CBX5: variants seen among roughly 807,000 people sequenced by gnomAD.
CBX5 encodes the protein chromobox 5.
CBX5 carries 7 observed loss-of-function variants against 20.7 expected under a neutral mutation model. That is an observed-to-expected ratio of 0.34 (90% CI 0.19 to 0.63). CBX5 has a LOEUF of 0.63. Ranked by LOEUF, CBX5 falls within the 30% of genes least tolerant of loss-of-function variation. The pLI is 0.75. For missense variants in CBX5, 110 were observed against 224.1 expected (o/e 0.49, Z 3.25); for synonymous variants, 78 against 77.0 (o/e 1.01, Z -0.07).
rs1322290729 is a variant in CBX5, at chr12:54,235,689, G to C, written c.*6066C>G. The C allele has an allele frequency of 6.6e-6, 1 of 152,216 alleles. No homozygotes were observed. The highest frequency in any genetic ancestry group is 2.4e-5 in the African/African-American group (1 of 41,454). 9.4% of individuals were successfully genotyped at this position (152,216 alleles called of 1,614,324 possible). On this transcript the variant is annotated 3_prime_UTR_variant, in exon 5 of 5. Coordinates refer to ENST00000209875, the MANE Select transcript of CBX5 (RefSeq NM_012117.3). ...CAGAGTAGATGCTCAGGTATTAACA[G>C]ATGTGCTCCAAGACTTCTCTTTAGA...
intron 1 of CBX5, among the ~76,000 whole-genome samples, chr12:54,275,830 A>G (rs1418725576): frequency 6.6e-6 from 1 of 151,486 alleles, no homozygotes; most frequent in Non-Finnish European, 1.5e-5. Context: ...ACATGGAGAA[A>G]CCCCGTCTCT....
intron 1 of CBX5, among the ~76,000 whole-genome samples, chr12:54,270,790 G>A (rs1040073028): frequency 6.6e-6 from 1 of 152,144 alleles, no homozygotes; most frequent in Non-Finnish European, 1.5e-5. Flanking sequence ...AGTGGCTCAT[G>A]CCTGTAATCC....
intron 1 of CBX5, among the ~76,000 whole-genome samples, chr12:54,276,027 A>G (rs1455741933): frequency 6.6e-6 from 1 of 151,252 alleles, no homozygotes; most frequent in Admixed American, 6.6e-5. Flanking sequence ...ACATTGGGAG[A>G]CATTTTGCAA....
intron 1 of CBX5, chr12:54,262,890 G>A (rs1020444941): frequency 6.6e-6 from 1 of 152,198 alleles, no homozygotes; most frequent in Non-Finnish European, 1.5e-5. Context: ...AAAAGAAGAT[G>A]AGCCTCTGAA....
In CBX5 at chr12:54,257,549, T is replaced by C; in HGVS notation, c.102A>G (p.Gln34=). ...KVLDRRVVKG[Q]VEYLLKWKGF... ...CTTTCCACTTCAGTAGATATTCCAC[T>C]TGTCCCTTAACCACGCGCCTGTCTA... is the stretch of plus-strand genomic sequence containing the variant. Residue 34 remains glutamine, a synonymous_variant, in exon 2 of 5, where the codon CAA becomes CAG. Transcript: ENST00000209875. 6.2e-7 allele frequency: 1 copy of C among 1,614,224 alleles called. No individual in the cohort carries two copies.
In CBX5 at chr12:54,277,732, A is replaced by G. The variant is rs74240635; in HGVS notation, c.-43+2276T>C. Among the ~76,000 whole-genome samples, 136 of 152,356 alleles carry G rather than the reference A, an allele frequency of 8.9e-4. 1 individual carries two copies. The East Asian group carries it at 0.025, about 28-fold the overall frequency. On this transcript the variant is annotated intron_variant, in intron 1 of 4. Coordinates refer to ENST00000209875, the MANE Select transcript of CBX5 (RefSeq NM_012117.3). Reference sequence around the variant, plus strand: ...AGATAACATCAGGATTTAGTGATCCATTTACCAAAGGCCACTCCCTAAACA... The same window carrying G: ...AGATAACATCAGGATTTAGTGATCCGTTTACCAAAGGCCACTCCCTAAACA...
At chr12:54,270,045 T>C (rs1266212702) in intron 1 of CBX5, among the ~76,000 whole-genome samples, 4 of 152,246 alleles carry the variant, frequency 2.6e-5, no homozygotes, top group Non-Finnish European at 4.4e-5. Context: ...AGTATCTTTT[T>C]TCCTGATTTA....
chr12:54,270,632 T>C (rs1944000165), intron 1 of CBX5, among the ~76,000 whole-genome samples: 1 of 152,368 alleles, frequency 6.6e-6, no homozygotes, highest in Admixed American at 6.5e-5. Flanking sequence ...AGTATTAGTT[T>C]TCTTTGTAAT....
chr12:54,236,633 A>AT lies in CBX5; in HGVS notation c.*5121dup, dbSNP rs753963387. The stretch of plus-strand genomic sequence containing the variant: ...ACAAAAGTACGGATCTCAACACTAT[A>AT]TTTTTTATTCTAAAATCTCAACCAA... On this transcript the variant is annotated 3_prime_UTR_variant, in exon 5 of 5. Coordinates refer to ENST00000209875, the MANE Select transcript of CBX5 (RefSeq NM_012117.3). 5.3e-5 allele frequency: 8 copies of AT among 152,146 alleles called. No homozygotes were observed. The highest frequency in any genetic ancestry group is 1.0e-4 in the Non-Finnish European group (7 of 68,020). 9.4% of individuals were successfully genotyped at this position (152,146 alleles called of 1,614,324 possible). A position where few individuals can be genotyped will look rare whatever the true frequency, so the allele number is the denominator to read the frequency against.
At position 54,240,302 on chromosome 12, in the gene CBX5, G is replaced by A. The variant is rs759395615; in HGVS notation, c.*1453C>T. ...AGAAGAAACCAAAACGAAGTATTTT[G>A]CTGAGTAAGAAGAAAAGGGTGTGTC... On this transcript the variant is annotated 3_prime_UTR_variant, in exon 5 of 5. Coordinates refer to ENST00000209875, the MANE Select transcript of CBX5 (RefSeq NM_012117.3). 3.3e-5 allele frequency: 5 copies of A among 152,190 alleles called. No homozygotes were observed. Among genetic ancestry groups the A allele is most frequent in the Admixed American group, 6.5e-5 (1 of 15,272 alleles). 9.4% of individuals were successfully genotyped at this position (152,190 alleles called of 1,614,324 possible).
rs1943627320 is a variant in CBX5 at position 54,236,762 on chromosome 12, T to C, written c.*4993A>G. 6.6e-6 allele frequency: 1 copy of C among 152,180 alleles called. No homozygotes were observed. Among genetic ancestry groups the C allele is most frequent in the South Asian group, 2.1e-4 (1 of 4,826 alleles). The allele number at this position is 152,180 out of a possible 1,614,324, so 9.4% of individuals were successfully genotyped here. On this transcript the variant is annotated 3_prime_UTR_variant, in exon 5 of 5. Transcript: ENST00000209875. ...GTTCTCATGACATTGCAAAGTAGTA[T>C]TTTATGCCCTCAAAACTGAACCTTA...
intron 3 of CBX5, among the ~76,000 whole-genome samples, chr12:54,250,662 G>A (rs1346439215): frequency 1.3e-4 from 19 of 148,634 alleles, no homozygotes; most frequent in East Asian, 2.0e-4. Context: ...AAAATTAGCC[G>A]GGCGCGGTGG....
At chr12:54,266,399 A>C (rs1051442944) in intron 1 of CBX5, among the ~76,000 whole-genome samples, 1 of 152,028 alleles carries the variant, frequency 6.6e-6, no homozygotes, top group South Asian at 2.1e-4. Context: ...CTTCATCTCA[A>C]AAAAAATAAA....
chr12:54,261,185 G>A (rs1436847320), intron 1 of CBX5, among the ~76,000 whole-genome samples: 8 of 131,090 alleles, frequency 6.1e-5, no homozygotes, highest in African/African-American at 2.3e-4. Context: ...GAGCGAAACC[G>A]TCTCAAAAAA....
chr12:54,246,091 A>C, intron 4 of CBX5, 24 bp downstream of exon 4: 1 of 1,521,156 alleles, frequency 6.6e-7, no homozygotes, highest in Non-Finnish European at 9.1e-7. Flanking sequence ...ACACAATTGT[A>C]AAGCGAAGCC....
Position 54,269,761 on chromosome 12 carries a change from G to A in CBX5, c.-43+10247C>T, listed in dbSNP as rs572397238. 4.6e-4 allele frequency among the ~76,000 whole-genome samples: 70 copies of A among 152,238 alleles called. 1 individual carries two copies. The highest frequency in any genetic ancestry group is 1.6e-3 in the African/African-American group (68 of 41,540). ...TCCTTAATAGAGATAGGGCTAGTAAGGTTCTGACGTTTTCTTCTTTTTGCC... is the reference window on the plus strand; with the variant it reads ...TCCTTAATAGAGATAGGGCTAGTAAAGTTCTGACGTTTTCTTCTTTTTGCC... On this transcript the variant is annotated intron_variant, in intron 1 of 4. Coordinates refer to ENST00000209875, the MANE Select transcript of CBX5 (RefSeq NM_012117.3).
intron 1 of CBX5, chr12:54,259,736 G>A (rs539401011): frequency 6.5e-6 from 1 of 152,744 alleles, no homozygotes. Context: ...TGAAGACTGG[G>A]TGGAGAAATT....
intron 3 of CBX5, among the ~76,000 whole-genome samples, chr12:54,248,236 GC>G (rs1426821934): frequency 6.6e-6 from 1 of 152,054 alleles, no homozygotes; most frequent in African/African-American, 2.4e-5. Flanking sequence ...TGATCCACAC[GC>G]CTCAGCCTCC....
chr12:54,261,423 A>C (rs1311792726), intron 1 of CBX5, among the ~76,000 whole-genome samples: 1 of 151,796 alleles, frequency 6.6e-6, no homozygotes, highest in Non-Finnish European at 1.5e-5. Flanking sequence ...CAGCCTCCCA[A>C]GTAGCTGGGA....
Sources: allele counts gnomAD v4.1 joint callset (sites outside exome capture counted in the v4.1 genomes callset), GRCh38; gene constraint gnomAD v4.1.1; transcripts MANE v1.5; gene names NCBI Gene and HGNC (gene_info 2026-07-23, HGNC 2026-07-21).